The following DDX17 variants were observed in gnomAD, a reference collection of about 807,000 sequenced individuals.
DDX17 encodes DEAD-box helicase 17.
In DDX17, 10 loss-of-function variants were observed where a neutral mutation model predicts 80.8. That is an observed-to-expected ratio of 0.12 (90% CI 0.08 to 0.21). The LOEUF is 0.21. Ranked by LOEUF, DDX17 falls within the 10% of genes least tolerant of loss-of-function variation. DDX17 has a pLI of 1.00. For synonymous variants in DDX17, 339 were observed against 336.2 expected, an observed-to-expected ratio of 1.01 and a Z score of -0.09; for missense variants, 586 against 957.4, an observed-to-expected ratio of 0.61 and a Z score of 5.12.
At chr22:38,504,893 T>A (rs1274641747) in intron 1 of DDX17, among the ~76,000 whole-genome samples, 1 of 151,086 alleles carries the variant, frequency 6.6e-6, no homozygotes. Flanking sequence ...TCAAGTGGCG[T>A]CACGTAACTC....
intron 11 of DDX17, chr22:38,490,339 G>C (rs1483194959): frequency 1.6e-6 from 2 of 1,289,164 alleles, no homozygotes; most frequent in African/African-American, 1.5e-5. Context: ...AATAAGGAGG[G>C]ACTAAGTCTA....
rs2089738229 is a variant in DDX17 at position 38,494,119 on chromosome 22, T to A, written c.1227A>T (p.Leu409=). Residue 409 remains leucine, a synonymous_variant, in exon 9 of 13, where the codon CTA becomes CTT. Transcript: ENST00000403230. ...CCTTTTCAGCCATTATTTCTTCCAT[T>A]AGTTGGATCAACCTGAAAACATGAC... 1 of 1,612,044 alleles carries A rather than the reference T, an allele frequency of 6.2e-7. No individual in the cohort carries two copies. Among genetic ancestry groups the A allele is most frequent in the African/African-American group, 1.3e-5 (1 of 74,896 alleles).
intron 10 of DDX17, among the ~76,000 whole-genome samples, chr22:38,492,880 T>C (rs1569138923): frequency 6.6e-6 from 1 of 152,256 alleles, no homozygotes. Context: ...GGAAATATGC[T>C]AAAATATGAC....
rs148266031 is a variant in DDX17, at chr22:38,484,551, T to C, written c.*1384A>G. 2.0e-5 allele frequency: 3 copies of C among 152,290 alleles called. No homozygotes were observed. The highest frequency in any genetic ancestry group is 1.3e-4 in the Admixed American group (2 of 15,302). 9.4% of individuals were successfully genotyped at this position (152,290 alleles called of 1,614,324 possible). On this transcript the variant is annotated 3_prime_UTR_variant, in exon 13 of 13. Coordinates refer to ENST00000403230, the MANE Select transcript of DDX17 (RefSeq NM_006386.5). The stretch of plus-strand genomic sequence containing the variant: ...GAATACCAATTAACAGCATAAAAAT[T>C]AATAGTCCCATATCAGATCTGGAAG...
intron 7 of DDX17, 30 bp from the exon 8 acceptor site, chr22:38,494,832 G>A (rs913891041): frequency 6.2e-7 from 1 of 1,613,846 alleles, no homozygotes; most frequent in African/African-American, 1.3e-5. Flanking sequence ...TTTCTTTCAG[G>A]CTAAGGAACT....
At position 38,506,106 on chromosome 22, in the gene DDX17, TG is replaced by T; in HGVS notation, c.131del (p.Pro44GlnfsTer81). On this transcript the variant is annotated frameshift_variant, in exon 1 of 13. Coordinates refer to ENST00000403230, the MANE Select transcript of DDX17 (RefSeq NM_006386.5). LOFTEE classifies it high-confidence loss of function. Reference sequence around the variant, plus strand: ...CCGATGGCGGCGGCGCCTCCGCTGTTGGGGCGGCGGCAGGCGCAGCGCTCTC... The same window carrying T: ...CCGATGGCGGCGGCGCCTCCGCTGTTGGGCGGCGGCAGGCGCAGCGCTCTC... 6.3e-7 allele frequency: 1 copy of T among 1,578,284 alleles called. No homozygotes were observed.
intron 12 of DDX17, among the ~76,000 whole-genome samples, chr22:38,486,866 GAAAGTATTA>G (rs535285588): frequency 6.6e-6 from 1 of 152,076 alleles, no homozygotes; most frequent in African/African-American, 2.4e-5. Flanking sequence ...AAGCATTTTT[GAAAGTATTA>G]AAAAAGCAAC....
rs948245910 is a variant in DDX17, at chr22:38,506,297, ACT to A, written c.-62_-61del. The A allele has an allele frequency of 3.3e-6, 5 of 1,492,620 alleles. No homozygotes were observed. Among genetic ancestry groups the A allele is most frequent in the African/African-American group, 1.4e-5 (1 of 69,414 alleles). The allele number at this position is 1,492,620 out of a possible 1,614,324, so 92.5% of individuals were successfully genotyped here. A position where few individuals can be genotyped will look rare whatever the true frequency, so the allele number is the denominator to read the frequency against. ...TTAGGCGTCTCCTTCCTTCCCAGCG[ACT>A]GCACAAAATGGCGGCCGCCGCTGAG... On this transcript the variant is annotated 5_prime_UTR_variant, in exon 1 of 13. Coordinates refer to ENST00000403230, the MANE Select transcript of DDX17 (RefSeq NM_006386.5).
In DDX17 at chr22:38,492,280, C is replaced by T. The variant is rs543783129; in HGVS notation, c.1388-165G>A. On this transcript the variant is annotated intron_variant, in intron 10 of 12. Transcript: ENST00000403230. ...TCTTTATTACACTCATATTCAGCAG[C>T]ACAATAGTTACCTCTACTAATAATG... Among the ~76,000 whole-genome samples, 14 of 152,272 alleles carry T rather than the reference C, an allele frequency of 9.2e-5. No homozygotes were observed. The South Asian group carries it at 2.5e-3, about 27-fold the overall frequency.
intron 8 of DDX17, chr22:38,494,392 T>C: frequency 1.7e-6 from 1 of 602,928 alleles, no homozygotes; most frequent in Non-Finnish European, 2.9e-6. Context: ...GACACAAAAT[T>C]GTGCAAAATT....
intron 1 of DDX17, among the ~76,000 whole-genome samples, chr22:38,503,597 G>C (rs1191369584): frequency 6.6e-6 from 1 of 152,170 alleles, no homozygotes; most frequent in Non-Finnish European, 1.5e-5. Flanking sequence ...TTACTTTTGA[G>C]CATATCCATG....
chr22:38,492,781 C>T (rs115777660), intron 10 of DDX17, among the ~76,000 whole-genome samples: 2,873 of 152,212 alleles, frequency 0.019, 40 homozygotes, highest in South Asian at 0.05. Flanking sequence ...CCACTGTGTC[C>T]GGCCACATTT....
intron 9 of DDX17, 61 bp from the exon 10 acceptor site, chr22:38,493,832 T>C: frequency 5.3e-6 from 8 of 1,523,446 alleles, no homozygotes; most frequent in Non-Finnish European, 5.5e-6. Context: ...AATCGAACTT[T>C]AAAGCCAAAT....
chr22:38,495,979 T>TAAA (rs201173235), intron 5 of DDX17, 42 bp from the exon 6 acceptor site: 1,604 of 802,084 alleles, frequency 2.0e-3, no homozygotes, highest in South Asian at 3.7e-3. Flanking sequence ...ATCCAAGGTT[T>TAAA]AAAAAAAAAA....
Position 38,485,825 on chromosome 22 carries a change from A to AG in DDX17, c.*109_*110insC, listed in dbSNP as rs1159374736. On this transcript the variant is annotated 3_prime_UTR_variant, in exon 13 of 13. Transcript: ENST00000403230. ...TGGTTGGGGGGAAAAATTAAAAAAAAAAAAAGAAAAAAGGAAAAAAAAAGA... is the reference window on the plus strand; with the variant it reads ...TGGTTGGGGGGAAAAATTAAAAAAAAGAAAAAGAAAAAAGGAAAAAAAAAGA... 3 of 1,395,728 alleles carry AG rather than the reference A, an allele frequency of 2.1e-6. No individual in the cohort carries two copies. The highest frequency in any genetic ancestry group is 2.6e-5 in the East Asian group (1 of 39,066). The allele number at this position is 1,395,728 out of a possible 1,614,324, so 86.5% of individuals were successfully genotyped here. A position where few individuals can be genotyped will look rare whatever the true frequency, so the allele number is the denominator to read the frequency against.
Position 38,493,750 on chromosome 22 carries a change from A to G in DDX17, c.1347T>C (p.His449=). 6.2e-7 allele frequency: 1 copy of G among 1,613,858 alleles called. No individual in the cohort carries two copies. Among genetic ancestry groups the G allele is most frequent in the Non-Finnish European group, 8.5e-7 (1 of 1,179,718 alleles). The change falls in exon 10 of 13, where the codon CAT becomes CAC. Residue 449 remains histidine, a synonymous_variant. Coordinates refer to ENST00000403230, the MANE Select transcript of DDX17 (RefSeq NM_006386.5). ...CTCTTTCTGGTTGACTCTTGTCTCC[A>G]TGGATACACATAGCTGGCCAACTAT...
chr22:38,493,588 G>C, intron 10 of DDX17, 122 bp downstream of exon 10: 2 of 760,982 alleles, frequency 2.6e-6, no homozygotes, highest in Non-Finnish European at 4.5e-6. Context: ...GGTTTACAAA[G>C]CCAAGCATAC....
chr22:38,496,077 A>G (rs1265982934), intron 5 of DDX17, 140 bp from the exon 6 acceptor site: 4 of 720,048 alleles, frequency 5.6e-6, no homozygotes, highest in African/African-American at 5.5e-5. Context: ...GGTGAAGATC[A>G]GAAGTGGGGA....
chr22:38,494,121 G>A lies in DDX17; in HGVS notation c.1225C>T (p.Leu409=). 2 of 1,611,628 alleles carry A rather than the reference G, an allele frequency of 1.2e-6. No homozygotes were observed. Among genetic ancestry groups the A allele is most frequent in the African/African-American group, 1.3e-5 (1 of 74,984 alleles). The change falls in exon 9 of 13, where the codon CTA becomes TTA. Residue 409 remains leucine, a synonymous_variant. Coordinates refer to ENST00000403230, the MANE Select transcript of DDX17 (RefSeq NM_006386.5). ...TTTTCAGCCATTATTTCTTCCATTA[G>A]TTGGATCAACCTGAAAACATGACCA...
Sources: allele counts gnomAD v4.1 joint callset (sites outside exome capture counted in the v4.1 genomes callset), GRCh38; gene constraint gnomAD v4.1.1; transcripts MANE v1.5; gene names NCBI Gene and HGNC (gene_info 2026-07-23, HGNC 2026-07-21).